ATRNL1: variants seen among roughly 807,000 people sequenced by gnomAD.
ATRNL1 encodes attractin-like protein 1.
ATRNL1 carries 95 observed loss-of-function variants against 182.7 expected under a neutral mutation model. That is an observed-to-expected ratio of 0.52 (90% CI 0.44 to 0.62). The LOEUF is 0.62. ATRNL1 is among the 20% of genes least tolerant of loss of function. The pLI is 0.00. For missense variants in ATRNL1, 1,471 were observed against 1,679.5 expected, an observed-to-expected ratio of 0.88 and a Z score of 2.17; for synonymous variants, 576 against 568.3, an observed-to-expected ratio of 1.01 and a Z score of -0.19.
chr10:115,747,747 T>C (rs782697471), intron 27 of ATRNL1, among the ~76,000 whole-genome samples: 2 of 152,072 alleles, frequency 1.3e-5, no homozygotes, highest in South Asian at 2.1e-4. Context: ...TAAACTTCTG[T>C]TGACTTATAA....
intron 28 of ATRNL1, among the ~76,000 whole-genome samples, chr10:115,864,757 C>T (rs953658994): frequency 5.9e-5 from 9 of 152,008 alleles, no homozygotes; most frequent in East Asian, 1.9e-4. Context: ...CCGAGGTGGG[C>T]GGATCACAAG....
intron 9 of ATRNL1, among the ~76,000 whole-genome samples, chr10:115,239,939 G>C (rs1850346038): frequency 6.6e-6 from 1 of 152,128 alleles, no homozygotes. Context: ...TCGCTGGCCT[G>C]GAGTGGGAGT....
chr10:115,431,225 G>A (rs1670534087), intron 21 of ATRNL1, among the ~76,000 whole-genome samples: 1 of 151,988 alleles, frequency 6.6e-6, no homozygotes, highest in African/African-American at 2.4e-5. Context: ...TGACCAACAT[G>A]GAGAAACCCG....
At chr10:115,648,253 T>G (rs1308446702) in intron 26 of ATRNL1, among the ~76,000 whole-genome samples, 2 of 152,100 alleles carry the variant, frequency 1.3e-5, no homozygotes, top group Non-Finnish European at 2.9e-5. Context: ...ACAAGGGATG[T>G]GAAGGACCTC....
At chr10:115,262,175 T>A (rs1554909006) in intron 10 of ATRNL1, among the ~76,000 whole-genome samples, 1 of 118,292 alleles carries the variant, frequency 8.5e-6, no homozygotes, top group Admixed American at 7.9e-5. Context: ...GGGCAGTGGA[T>A]TTTTTTTTTT....
chr10:115,599,941 A>G (rs1237934475), intron 26 of ATRNL1, among the ~76,000 whole-genome samples: 3 of 152,316 alleles, frequency 2.0e-5, no homozygotes, highest in Admixed American at 6.5e-5. Flanking sequence ...GAACATTTCC[A>G]TAATCTCAAA....
intron 20 of ATRNL1, among the ~76,000 whole-genome samples, chr10:115,420,449 A>G (rs1845600440): frequency 6.6e-6 from 1 of 152,182 alleles, no homozygotes; most frequent in Non-Finnish European, 1.5e-5. Context: ...GTATACGTAC[A>G]TGGAAATTAA....
chr10:115,464,865 A>T (rs782183327), intron 22 of ATRNL1, among the ~76,000 whole-genome samples: 1 of 151,758 alleles, frequency 6.6e-6, no homozygotes, highest in Non-Finnish European at 1.5e-5. Context: ...TCCTCAGAGC[A>T]TGTCCTTTTT....
At chr10:115,201,140 A>G (rs1344204521) in intron 8 of ATRNL1, among the ~76,000 whole-genome samples, 8 of 149,466 alleles carry the variant, frequency 5.4e-5, no homozygotes, top group Non-Finnish European at 8.9e-5. Context: ...GCCCTTTGTC[A>G]GATGAGTAGG....
intron 28 of ATRNL1, among the ~76,000 whole-genome samples, chr10:115,887,341 A>G (rs1340778714): frequency 6.6e-6 from 1 of 152,170 alleles, no homozygotes; most frequent in Non-Finnish European, 1.5e-5. Flanking sequence ...AGCAACAAAC[A>G]TTTATTACCC....
chr10:115,229,333 C>T (rs981293195), intron 9 of ATRNL1, among the ~76,000 whole-genome samples: 7 of 151,508 alleles, frequency 4.6e-5, no homozygotes, highest in Admixed American at 2.0e-4. Context: ...ATTTCCTGTC[C>T]GAGGTTTTGG....
intron 27 of ATRNL1, among the ~76,000 whole-genome samples, chr10:115,764,344 T>A (rs998824786): frequency 1.3e-5 from 2 of 152,078 alleles, no homozygotes. Flanking sequence ...TACACTAGAG[T>A]TCACTCTTTG....
intron 5 of ATRNL1, among the ~76,000 whole-genome samples, chr10:115,141,442 T>C (rs1845749466): frequency 6.6e-6 from 1 of 152,282 alleles, no homozygotes; most frequent in African/African-American, 2.4e-5. Flanking sequence ...GATTTTAACA[T>C]TTGCCATTGG....
chr10:115,851,893 G>A (rs1310489502), intron 28 of ATRNL1, among the ~76,000 whole-genome samples: 2 of 152,128 alleles, frequency 1.3e-5, no homozygotes, highest in East Asian at 3.9e-4. Context: ...GACACATTAA[G>A]TAACTCTCCT....
At chr10:115,229,540 T>TA (rs1554899482) in intron 9 of ATRNL1, among the ~76,000 whole-genome samples, 1 of 152,046 alleles carries the variant, frequency 6.6e-6, no homozygotes, top group East Asian at 1.9e-4. Context: ...ATTGAGAATT[T>TA]AAAATTTAAT....
At chr10:115,646,675 C>A (rs189022437) in intron 26 of ATRNL1, among the ~76,000 whole-genome samples, 1 of 150,726 alleles carries the variant, frequency 6.6e-6, no homozygotes, top group Admixed American at 6.6e-5. Flanking sequence ...TATTAAAAGC[C>A]CTCCCATACT....
chr10:115,556,996 G>A (rs1247487573), intron 26 of ATRNL1, among the ~76,000 whole-genome samples: 1 of 151,818 alleles, frequency 6.6e-6, no homozygotes, highest in Non-Finnish European at 1.5e-5. Flanking sequence ...TATTATTAAA[G>A]CCCTCAAATG....
chr10:115,260,949 T>C (rs555113402), intron 10 of ATRNL1, among the ~76,000 whole-genome samples: 1 of 152,134 alleles, frequency 6.6e-6, no homozygotes, highest in East Asian at 1.9e-4. Flanking sequence ...GGAAGGAAAT[T>C]ATCAAGTGAG....
chr10:115,325,933 T>A (rs1199546145), intron 18 of ATRNL1, among the ~76,000 whole-genome samples: 2 of 152,138 alleles, frequency 1.3e-5, no homozygotes, highest in African/African-American at 4.8e-5. Context: ...GGCCAGAAAT[T>A]TCATGAAGTT....
Sources: gnomAD v4.1 joint callset for allele counts (sites outside exome capture counted in the v4.1 genomes callset) on GRCh38, gnomAD v4.1.1 for gene constraint, MANE v1.5 for transcripts, NCBI Gene and HGNC (gene_info 2026-07-23, HGNC 2026-07-21) for gene names.